Variants in PPM1M observed in about 807,000 individuals in gnomAD.
PPM1M encodes the protein protein phosphatase 1M.
In PPM1M, 44 loss-of-function variants were observed where a neutral mutation model predicts 50.8. The ratio of observed to expected loss-of-function variants is 0.87; its 90% CI spans 0.68 to 1.11. The LOEUF (loss-of-function observed/expected upper bound fraction) is 1.11, where lower values mean the gene tolerates loss of function less well. Ranked by LOEUF, PPM1M falls within the 50% of genes most tolerant of loss-of-function variation. The pLI, the probability that PPM1M is intolerant of heterozygous loss-of-function variation, is 0.00. For missense variants in PPM1M, 556 were observed against 593.4 expected, an observed-to-expected ratio of 0.94 and a Z score of 0.66; for synonymous variants, 224 against 242.9, an observed-to-expected ratio of 0.92 and a Z score of 0.72.
chr3:52,249,106 A>G, intron 8 of PPM1M, 43 bp downstream of exon 8: 1 of 1,608,798 alleles, frequency 6.2e-7, no homozygotes. Flanking sequence ...ATCTGCCCAG[A>G]AAGGCAGACA....
chr3:52,249,328 G>A lies in PPM1M; in HGVS notation c.1235+6G>A. On this transcript the variant is annotated splice_donor_region_variant and intron_variant, in intron 9 of 9. Transcript: ENST00000323588. ...AACCAAGAGGACCCACACAGGTACT[G>A]TAGCTGCTGGGGACCTGCCTGGGCC... 1 of 1,589,922 alleles carries A rather than the reference G, an allele frequency of 6.3e-7. No individual in the cohort carries two copies. The highest frequency in any genetic ancestry group is 8.6e-7 in the Non-Finnish European group (1 of 1,168,112).
intron 6 of PPM1M, 68 bp from the exon 7 acceptor site, chr3:52,248,564 AGCTGG>A (rs1339063032): frequency 6.3e-7 from 1 of 1,595,772 alleles, no homozygotes; most frequent in East Asian, 2.2e-5. Flanking sequence ...AGGGTGTGAC[AGCTGG>A]GCCCTGAGTT....
Position 52,247,021 on chromosome 3 carries a change from T to G in PPM1M, c.390T>G (p.Pro130=). 1 of 1,550,334 alleles carries G rather than the reference T, an allele frequency of 6.5e-7. No homozygotes were observed. The highest frequency in any genetic ancestry group is 1.2e-5 in the South Asian group (1 of 83,914). ...CACTGTTCGATGGGCACGGCGGTCC[T>G]GCAGCAGCCATCTTGGCTGCCAACA... The part of the protein sequence containing the change: ...YWALFDGHGG[P]AAAILAANTL... Residue 130 remains proline, a synonymous_variant, in exon 3 of 10, where the codon CCT becomes CCG. Coordinates refer to ENST00000323588, the MANE Select transcript of PPM1M (RefSeq NM_144641.4).
intron 1 of PPM1M, 32 bp from the exon 2 acceptor site, chr3:52,246,663 C>T: frequency 7.8e-7 from 1 of 1,277,428 alleles, no homozygotes; most frequent in Non-Finnish European, 1.0e-6. Flanking sequence ...AGGTGTGTCC[C>T]TGGAGGGTCG....
chr3:52,247,364 T>A, intron 3 of PPM1M, 136 bp downstream of exon 3: 2 of 1,275,760 alleles, frequency 1.6e-6, no homozygotes, highest in Non-Finnish European at 2.1e-6. Flanking sequence ...GGTTGGATTG[T>A]TACTAACAGC....
In PPM1M at chr3:52,246,962, C is replaced by A. The variant is rs1379417247; in HGVS notation, c.343-12C>A. On this transcript the variant is annotated splice_polypyrimidine_tract_variant and intron_variant, in intron 2 of 9. Coordinates refer to ENST00000323588, the MANE Select transcript of PPM1M (RefSeq NM_144641.4). ...GTCAGGCAGAGGCTGACACTGAGCC[C>A]TTCCTGTGCAGTTCCTGACAGGCCA... 1 of 1,534,430 alleles carries A rather than the reference C, an allele frequency of 6.5e-7. No individual in the cohort carries two copies. The highest frequency in any genetic ancestry group is 2.5e-5 in the East Asian group (1 of 40,590).
chr3:52,249,165 A>T lies in PPM1M; in HGVS notation c.1087-9A>T. On this transcript the variant is annotated splice_polypyrimidine_tract_variant and intron_variant, in intron 8 of 9. Coordinates refer to ENST00000323588, the MANE Select transcript of PPM1M (RefSeq NM_144641.4). ...GGGAGTGTGCAGGATCCTCAGGCTT[A>T]ATTTGTAGGTGACTGTGCTGGATGT... is the stretch of plus-strand genomic sequence containing the variant. 2 of 1,613,742 alleles carry T rather than the reference A, an allele frequency of 1.2e-6. No homozygotes were observed. The highest frequency in any genetic ancestry group is 1.7e-6 in the Non-Finnish European group (2 of 1,179,786).
In PPM1M at chr3:52,248,771, G is replaced by A; in HGVS notation, c.978+71G>A. The A allele has an allele frequency of 2.0e-6, 3 of 1,516,528 alleles. No homozygotes were observed. The South Asian group carries it at 3.4e-5, about 17-fold the overall frequency. 93.9% of individuals were successfully genotyped at this position (1,516,528 alleles called of 1,614,324 possible). ...CCCCTGCAGAGGTGGGAGCTCCTTT[G>A]CCTCTTGCTGGTAGCTGTGGCTGGT... On this transcript the variant is annotated intron_variant, in intron 7 of 9. Coordinates refer to ENST00000323588, the MANE Select transcript of PPM1M (RefSeq NM_144641.4).
In PPM1M at chr3:52,250,363, CT is replaced by C. The variant is rs1699942791; in HGVS notation, c.*552del. 1 of 155,380 alleles carries C rather than the reference CT, an allele frequency of 6.4e-6. No individual in the cohort carries two copies. Among genetic ancestry groups the C allele is most frequent in the African/African-American group, 2.4e-5 (1 of 41,498 alleles). The allele number at this position is 155,380 out of a possible 1,614,324, so 9.6% of individuals were successfully genotyped here. A position where few individuals can be genotyped will look rare whatever the true frequency, so the allele number is the denominator to read the frequency against. ...CCAGTTCAGGTCCTGCCCTGCTGTT[CT>C]TTGCTGGAGATGAGGAACAGGTGCT... On this transcript the variant is annotated 3_prime_UTR_variant, in exon 10 of 10. Transcript: ENST00000323588.
rs1214485708 is a variant in PPM1M at position 52,249,656 on chromosome 3, G to A, written c.1236-14G>A. The A allele has an allele frequency of 6.2e-7, 1 of 1,613,558 alleles. No homozygotes were observed. The highest frequency in any genetic ancestry group is 1.7e-5 in the Admixed American group (1 of 59,982). ...CTCTGCCCCTGAAGTCTATCTGCAG[G>A]ATGGTCTTCACAGGTTCTCAAAGCT... On this transcript the variant is annotated splice_polypyrimidine_tract_variant and intron_variant, in intron 9 of 9. Coordinates refer to ENST00000323588, the MANE Select transcript of PPM1M (RefSeq NM_144641.4).
rs1037547656 is a variant in PPM1M, at chr3:52,248,374, C to T, written c.835C>T (p.Arg279Ter). ...TGAGCTTCTGGCTGGTGAGTTCACC[C>T]GACTGGAGTTCCCTCGGCGGCTGAA... ...YPELLAGEFT[R>*]LEFPRRLKGD... Residue 279 changes from arginine to a stop codon, truncating the protein, a stop_gained, in exon 6 of 10, where the codon CGA becomes TGA. Coordinates refer to ENST00000323588, the MANE Select transcript of PPM1M (RefSeq NM_144641.4). LOFTEE classifies it high-confidence loss of function. 1.7e-5 allele frequency: 28 copies of T among 1,613,550 alleles called. No homozygotes were observed. Among genetic ancestry groups the T allele is most frequent in the East Asian group, 2.2e-5 (1 of 44,848 alleles).
chr3:52,248,549 CTG>C, intron 6 of PPM1M, 86 bp from the exon 7 acceptor site: 2 of 1,586,518 alleles, frequency 1.3e-6, no homozygotes, highest in South Asian at 1.1e-5. Flanking sequence ...CAGGGTGGCA[CTG>C]TGAGGGTGTG....
At position 52,248,220 on chromosome 3, in the gene PPM1M, C is replaced by T. The variant is rs1178315480; in HGVS notation, c.778C>T (p.Gln260Ter). The T allele has an allele frequency of 6.2e-7, 1 of 1,613,318 alleles. No individual in the cohort carries two copies. Among genetic ancestry groups the T allele is most frequent in the Non-Finnish European group, 8.5e-7 (1 of 1,179,612 alleles). The change falls in exon 5 of 10, where the codon CAG (glutamine) becomes TAG (stop). Residue 260 changes from glutamine to a stop codon, truncating the protein, a stop_gained. Transcript: ENST00000323588. LOFTEE classifies it high-confidence loss of function. ...SFEFTPETERQRIQQLAFVYP... is the reference protein window; with the variant it reads ...SFEFTPETER ...CGAGTTCACCCCAGAGACTGAGCGG[C>T]AGCGGATCCAGCAGCTGGTAGGTGC...
chr3:52,249,097 T>C, intron 8 of PPM1M, 34 bp downstream of exon 8: 1 of 1,608,838 alleles, frequency 6.2e-7, no homozygotes, highest in Non-Finnish European at 8.5e-7. Flanking sequence ...CCAGCTTCCA[T>C]CTGCCCAGAA....
rs1577993101 is a variant in PPM1M, at chr3:52,245,896, G to A, written c.72G>A (p.Pro24=). 3 of 1,148,328 alleles carry A rather than the reference G, an allele frequency of 2.6e-6. No homozygotes were observed. Among genetic ancestry groups the A allele is most frequent in the Non-Finnish European group, 2.2e-6 (2 of 915,668 alleles). The allele number at this position is 1,148,328 out of a possible 1,614,324, so 71.1% of individuals were successfully genotyped here. A position where few individuals can be genotyped will look rare whatever the true frequency, so the allele number is the denominator to read the frequency against. The change falls in exon 1 of 10, where the codon CCG becomes CCA. Residue 24 remains proline (P), a synonymous_variant. Transcript: ENST00000323588. This position sits in a 1 kb window ranked among gnomAD's most constrained non-coding sequence, Gnocchi z 4.8. ...TCCCCGCGCCGCGGCCGCCTGGGCC[G>A]CATGCCAGCCCCGTGCCCTACCGAC... ...EPLPAPRPPG[P]HASPVPYRRP... is the part of the protein sequence containing the mutation.
intron 9 of PPM1M, 115 bp from the exon 10 acceptor site, chr3:52,249,555 G>A: frequency 6.8e-7 from 1 of 1,474,606 alleles, no homozygotes; most frequent in Non-Finnish European, 9.3e-7. Flanking sequence ...TTGGTCCACA[G>A]TCGGACTGCA....
intron 9 of PPM1M, 118 bp downstream of exon 9, chr3:52,249,440 C>A: frequency 7.3e-7 from 1 of 1,372,288 alleles, no homozygotes; most frequent in Non-Finnish European, 1.0e-6. Flanking sequence ...AGGATCAGGG[C>A]TGTCTCAAGC....
intron 1 of PPM1M, chr3:52,246,335 G>A: frequency 9.6e-7 from 1 of 1,042,936 alleles, no homozygotes. Context: ...AGCATTCGGG[G>A]CTTTGGAGAT....
chr3:52,248,277 C>A, intron 5 of PPM1M, 40 bp downstream of exon 5: 2 of 1,606,344 alleles, frequency 1.2e-6, no homozygotes, highest in Non-Finnish European at 1.7e-6. Context: ...GAAGCTCCAA[C>A]TCCTGGGTCC....
Sources: allele counts gnomAD v4.1 joint callset, GRCh38; gene constraint gnomAD v4.1.1; non-coding constraint Gnocchi (gnomAD v3.1); transcripts MANE v1.5; gene names NCBI Gene and HGNC (gene_info 2026-07-23, HGNC 2026-07-21).